BNIP5: variants seen among roughly 807,000 people sequenced by gnomAD.
The protein encoded by BNIP5 is protein BNIP5.
In BNIP5, 61 loss-of-function variants were observed where a neutral mutation model predicts 67.3. The ratio of observed to expected loss-of-function variants is 0.91; its 90% confidence interval spans 0.74 to 1.12. The LOEUF (loss-of-function observed/expected upper bound fraction) is 1.12. Among genes scored for constraint, BNIP5 ranks in the 50% most tolerant of loss-of-function variants. The pLI, the probability that BNIP5 is intolerant of heterozygous loss-of-function variation, is 0.00. For missense variants in BNIP5, 826 were observed against 816.3 expected, an observed-to-expected ratio of 1.01 and a Z score of -0.14; for synonymous variants, 317 against 319.0, an observed-to-expected ratio of 0.99 and a Z score of 0.07.
intron 2 of BNIP5, 98 bp downstream of exon 2, chr6:36,329,983 C>A: frequency 7.2e-7 from 1 of 1,387,246 alleles, no homozygotes. Context: ...CGGCCCCTGA[C>A]AGCTCCCCCG....
chr6:36,320,234 A>G (rs1405072021), intron 10 of BNIP5, among the ~76,000 whole-genome samples: 1 of 152,210 alleles, frequency 6.6e-6, no homozygotes, highest in Admixed American at 6.5e-5. Flanking sequence ...TATTCATTAA[A>G]TGATCCCAGG....
chr6:36,325,278 C>T lies in BNIP5; in HGVS notation c.1168+5G>A, dbSNP rs537685174. 6.2e-7 allele frequency: 1 copy of T among 1,613,968 alleles called. No homozygotes were observed. The highest frequency in any genetic ancestry group is 1.3e-5 in the African/African-American group (1 of 75,040). ...GGTGTCTGAGAAAAAGAGAGGAGTA[C>T]TGACTGTATTCCGAGGCTCTGTCCA... On this transcript the variant is annotated splice_donor_5th_base_variant and intron_variant, in intron 6 of 11. Coordinates refer to ENST00000437635, the MANE Select transcript of BNIP5 (RefSeq NM_001010903.5).
At chr6:36,334,143 A>G (rs1771963736) in intron 1 of BNIP5, among the ~76,000 whole-genome samples, 1 of 152,216 alleles carries the variant, frequency 6.6e-6, no homozygotes, top group South Asian at 2.1e-4. Flanking sequence ...TGATCAGAAC[A>G]TTAACACAAT....
intron 1 of BNIP5, 51 bp from the exon 2 acceptor site, chr6:36,330,745 T>G: frequency 6.8e-7 from 1 of 1,480,994 alleles, no homozygotes. Context: ...TTTGTTTTGA[T>G]TTGTTTGTTT....
In BNIP5 at chr6:36,324,244, G is replaced by A. The variant is rs1241472401; in HGVS notation, c.1169-54C>T. 4.0e-6 allele frequency: 6 copies of A among 1,505,786 alleles called. No individual in the cohort carries two copies. The South Asian group carries it at 4.5e-5, about 11-fold the overall frequency. 93.3% of individuals were successfully genotyped at this position (1,505,786 alleles called of 1,614,324 possible). A position where few individuals can be genotyped will look rare whatever the true frequency, so the allele number is the denominator to read the frequency against. On this transcript the variant is annotated intron_variant, in intron 6 of 11. Transcript: ENST00000437635. ...TTTGGTGCTACGAAATCTCTTCTGC[G>A]GTCAGTCTTCATTTCCTAATGCCCC...
At position 36,316,995 on chromosome 6, in the gene BNIP5, C is replaced by G. The variant is rs1771528568; in HGVS notation, c.*361G>C. 3 of 430,658 alleles carry G rather than the reference C, an allele frequency of 7.0e-6. No homozygotes were observed. The highest frequency in any genetic ancestry group is 1.2e-5 in the Non-Finnish European group (3 of 245,508). 26.7% of individuals were successfully genotyped at this position (430,658 alleles called of 1,614,324 possible). A position where few individuals can be genotyped will look rare whatever the true frequency, so the allele number is the denominator to read the frequency against. ...AACTAGACTCAGTTAACATGAACAT[C>G]TGAGAAAATATCAGTAGGCCTTCTG... On this transcript the variant is annotated 3_prime_UTR_variant, in exon 12 of 12. Coordinates refer to ENST00000437635, the MANE Select transcript of BNIP5 (RefSeq NM_001010903.5).
chr6:36,326,076 T>G (rs1771755053), intron 5 of BNIP5, among the ~76,000 whole-genome samples: 1 of 152,214 alleles, frequency 6.6e-6, no homozygotes. Flanking sequence ...GTTATAGATA[T>G]GCAGCAGGGA....
At chr6:36,319,289 T>A in intron 11 of BNIP5, 67 bp downstream of exon 11, 1 of 1,581,152 alleles carries the variant, frequency 6.3e-7, no homozygotes, top group Non-Finnish European at 8.6e-7. Context: ...TAGATCCCAC[T>A]GGAGGCCAGC....
rs1771506027 is a variant in BNIP5 at position 36,315,982 on chromosome 6, G to A, written c.*1374C>T. 1 of 152,944 alleles carries A rather than the reference G, an allele frequency of 6.5e-6. No homozygotes were observed. Among genetic ancestry groups the A allele is most frequent in the East Asian group, 1.9e-4 (1 of 5,210 alleles). 9.5% of individuals were successfully genotyped at this position (152,944 alleles called of 1,614,324 possible). A position where few individuals can be genotyped will look rare whatever the true frequency, so the allele number is the denominator to read the frequency against. The stretch of plus-strand genomic sequence containing the variant: ...ACTGCCTAAAACAAATCCACAAATA[G>A]CTCACCTCTCCCCCACTTCTCAGAA... On this transcript the variant is annotated 3_prime_UTR_variant, in exon 12 of 12. Transcript: ENST00000437635.
chr6:36,324,110 T>C lies in BNIP5; in HGVS notation c.1230+19A>G, dbSNP rs758807726. On this transcript the variant is annotated intron_variant, in intron 7 of 11. Coordinates refer to ENST00000437635, the MANE Select transcript of BNIP5 (RefSeq NM_001010903.5). The stretch of plus-strand genomic sequence containing the variant: ...AGCCCACAGTGAGGTCAGGGTTACA[T>C]GGGGAGCGTCTTCCTCACCTCCTCT... 2.5e-6 allele frequency: 4 copies of C among 1,605,564 alleles called. No homozygotes were observed. Among genetic ancestry groups the C allele is most frequent in the Non-Finnish European group, 3.4e-6 (4 of 1,172,550 alleles).
intron 2 of BNIP5, 97 bp from the exon 3 acceptor site, chr6:36,328,811 C>G: frequency 2.5e-6 from 2 of 802,214 alleles, no homozygotes; most frequent in South Asian, 2.9e-5. Context: ...GAAAACAGCA[C>G]AGAATTCACA....
chr6:36,324,571 GATATTATATATATATATATATATATAT>G lies in BNIP5; in HGVS notation c.1169-408_1169-382del, dbSNP rs1282281947. ...TCCAGGTCTTTTCAGACCTGACGGT[GATATTATATATATATATATATATATAT>G]ATATATATATATATATATATATATA... On this transcript the variant is annotated intron_variant, in intron 6 of 11. Coordinates refer to ENST00000437635, the MANE Select transcript of BNIP5 (RefSeq NM_001010903.5). Among the ~76,000 whole-genome samples the G allele has an allele frequency of 7.8e-4, 58 of 74,238 alleles. 2 individuals are homozygous for G. The highest frequency in any genetic ancestry group is 1.3e-3 in the Admixed American group (7 of 5,460). 48.7% of individuals were successfully genotyped at this position (74,238 alleles called of 152,430 possible).
chr6:36,326,848 G>T (rs1375514608), intron 4 of BNIP5, 95 bp from the exon 5 acceptor site: 9 of 1,559,084 alleles, frequency 5.8e-6, no homozygotes, highest in African/African-American at 1.4e-5. Flanking sequence ...CTGCAAGATG[G>T]CCCCGAGAGA....
At chr6:36,336,658 A>G (rs1035947553) in intron 1 of BNIP5, 54 bp downstream of exon 1, 1 of 152,190 alleles carries the variant, frequency 6.6e-6, no homozygotes, top group Non-Finnish European at 1.5e-5. Flanking sequence ...TCCGGACCCC[A>G]AGATACATAC....
chr6:36,324,856 T>C, intron 6 of BNIP5, among the ~76,000 whole-genome samples: 1 of 151,444 alleles, frequency 6.6e-6, no homozygotes, highest in Admixed American at 6.6e-5. Flanking sequence ...CTGCCCTAAA[T>C]GCTGCCGACA....
chr6:36,324,008 A>G, intron 7 of BNIP5, 121 bp downstream of exon 7: 1 of 780,282 alleles, frequency 1.3e-6, no homozygotes, highest in Admixed American at 2.3e-5. Context: ...TCCAAAAAAA[A>G]AAAAAAAGGA....
Position 36,326,898 on chromosome 6 carries a change from T to C in BNIP5, c.792+132A>G. ...GCCCAGAGCAGGGGGAGGGCTGAGT[T>C]CTGAAGCTGCAGAAGGAGGCTTCAG... On this transcript the variant is annotated intron_variant, in intron 4 of 11. Coordinates refer to ENST00000437635, the MANE Select transcript of BNIP5 (RefSeq NM_001010903.5). 37 of 1,407,716 alleles carry C rather than the reference T, an allele frequency of 2.6e-5. 1 individual carries two copies. In the South Asian group the frequency reaches 4.1e-4, roughly 16 times the overall value. The allele number at this position is 1,407,716 out of a possible 1,614,324, so 87.2% of individuals were successfully genotyped here.
chr6:36,322,235 C>G lies in BNIP5; in HGVS notation c.1603+76G>C, dbSNP rs889850579. Reference sequence around the variant, plus strand: ...CCCATTCCTTCCTCAGAACCATCCCCTATTCAGCCTGTGAACTCCATGTGG... The same window carrying G: ...CCCATTCCTTCCTCAGAACCATCCCGTATTCAGCCTGTGAACTCCATGTGG... On this transcript the variant is annotated intron_variant, in intron 9 of 11. Coordinates refer to ENST00000437635, the MANE Select transcript of BNIP5 (RefSeq NM_001010903.5). 1.7e-5 allele frequency: 26 copies of G among 1,570,232 alleles called. No homozygotes were observed. In the East Asian group the frequency reaches 5.4e-4, roughly 33 times the overall value.
chr6:36,332,109 C>A, intron 1 of BNIP5, among the ~76,000 whole-genome samples: 1 of 152,180 alleles, frequency 6.6e-6, no homozygotes, highest in Admixed American at 6.5e-5. Context: ...GCTGTCACAC[C>A]CCACACGTCC....
Sources: allele counts gnomAD v4.1 joint callset (sites outside exome capture counted in the v4.1 genomes callset), GRCh38; gene constraint gnomAD v4.1.1; transcripts MANE v1.5; gene names NCBI Gene and HGNC (gene_info 2026-07-23, HGNC 2026-07-21).